Variants in NPIPB4 observed in about 807,000 individuals in gnomAD.
NPIPB4 encodes the protein nuclear pore complex-interacting protein family member B4.
For synonymous variants in NPIPB4, 31 were observed against 194.1 expected (o/e 0.16, Z 6.99); for missense variants, 105 against 513.7 (o/e 0.20, Z 7.69).
chr16:21,837,317 G>C lies in NPIPB4; in HGVS notation c.1070C>G (p.Ser357Ter), dbSNP rs771226748. The C allele has an allele frequency of 7.6e-7, 1 of 1,312,198 alleles. No homozygotes were observed. Among genetic ancestry groups the C allele is most frequent in the Non-Finnish European group, 9.6e-7 (1 of 1,041,688 alleles). The allele number at this position is 1,312,198 out of a possible 1,614,324, so 81.3% of individuals were successfully genotyped here. The change falls in exon 8 of 8, where the codon TCA (serine) becomes TGA (stop). Residue 357 changes from serine (S) to a stop codon, truncating the protein, a stop_gained. Coordinates refer to ENST00000682606, the MANE Select transcript of NPIPB4 (RefSeq NM_001384980.1). LOFTEE classifies it low-confidence loss of function (END_TRUNC). ...LTPLPPSALP[S>*]APPSADDNLK... ...ATTATCATCCGCTGAGGGTGGAGCT[G>C]AGGGTAGAGCTGAGGGTGGAAGGGG...
In NPIPB4 at chr16:21,842,008, C is replaced by T. The variant is rs1313772528; in HGVS notation, c.545+1378G>A. On this transcript the variant is annotated intron_variant, in intron 5 of 7. Coordinates refer to ENST00000682606, the MANE Select transcript of NPIPB4 (RefSeq NM_001384980.1). ...TTTGTAGGGACTGAGCCTGCACCGA[C>T]GACTTCAATTGCAGCTTGTATGGAG... Among the ~76,000 whole-genome samples the T allele has an allele frequency of 5.3e-5, 8 of 151,720 alleles. No individual in the cohort carries two copies. The East Asian group carries it at 7.8e-4, about 15-fold the overall frequency.
At chr16:21,850,202 G>A (rs1460817802) in intron 2 of NPIPB4, among the ~76,000 whole-genome samples, 7 of 140,368 alleles carry the variant, frequency 5.0e-5, no homozygotes, top group African/African-American at 1.8e-4. Context: ...CAGAGGTTGC[G>A]GTGAGCTGAT....
chr16:21,850,595 C>T (rs1902433740), intron 2 of NPIPB4, among the ~76,000 whole-genome samples: 1 of 140,182 alleles, frequency 7.1e-6, no homozygotes. Context: ...TTGCTTGAAC[C>T]CCAGAAGCGG....
chr16:21,840,563 C>T (rs1901680315), intron 5 of NPIPB4, among the ~76,000 whole-genome samples: 1 of 149,648 alleles, frequency 6.7e-6, no homozygotes, highest in African/African-American at 2.4e-5. Flanking sequence ...CCAACTGATT[C>T]TCACAACCGA....
At chr16:21,850,321 T>G (rs1465848790) in intron 2 of NPIPB4, among the ~76,000 whole-genome samples, 4 of 146,944 alleles carry the variant, frequency 2.7e-5, no homozygotes, top group African/African-American at 9.9e-5. Context: ...TTTATGCTGG[T>G]GTATGTACTT....
Position 21,843,542 on chromosome 16 carries a change from G to T in NPIPB4, c.389C>A (p.Ser130Tyr), listed in dbSNP as rs764069552. ...GACAATTTTATTTCCTCGAAAGGAA[G>T]AAACTCTTTTCTTTGTGTGCATACA... is the stretch of plus-strand genomic sequence containing the variant. ...SICMHTKKRVSSFRGNKIVLK... is the reference protein window; with the variant it reads ...SICMHTKKRVYSFRGNKIVLK... Residue 130 changes from serine to tyrosine, a missense_variant, in exon 5 of 8, where the codon TCT (serine) becomes TAT (tyrosine). By Grantham distance (144) the Ser-to-Tyr change is moderately radical (BLOSUM62 -2). Transcript: ENST00000682606. The T allele has an allele frequency of 1.9e-6, 3 of 1,595,016 alleles. No homozygotes were observed. In the East Asian group the frequency reaches 6.7e-5, roughly 36 times the overall value.
intron 2 of NPIPB4, among the ~76,000 whole-genome samples, chr16:21,850,582 C>A (rs1156610730): frequency 7.5e-6 from 1 of 134,140 alleles, no homozygotes; most frequent in African/African-American, 2.9e-5. Context: ...TGAGGCAGGA[C>A]AATTGCTTGA....
chr16:21,840,325 C>T (rs1778830504), intron 5 of NPIPB4, among the ~76,000 whole-genome samples: 1 of 56,330 alleles, frequency 1.8e-5, no homozygotes, highest in African/African-American at 5.7e-5. Flanking sequence ...TCTGAACTCA[C>T]TTGTAGGTGT....
Position 21,850,282 on chromosome 16 carries a change from AAAT to A in NPIPB4, c.121-2744_121-2742del, listed in dbSNP as rs934084131. Among the ~76,000 whole-genome samples, 30 of 148,700 alleles carry A rather than the reference AAAT, an allele frequency of 2.0e-4. 1 individual carries two copies. Among genetic ancestry groups the A allele is most frequent in the Non-Finnish European group, 3.4e-4 (23 of 66,674 alleles). On this transcript the variant is annotated intron_variant, in intron 2 of 7. Transcript: ENST00000682606. ...CTCAAAATAAATAAATAAATAAATA[AAAT>A]AATGTAGATCTTGAAAGGGGGTTGG...
chr16:21,850,665 C>G, intron 2 of NPIPB4, among the ~76,000 whole-genome samples: 1 of 11,834 alleles, frequency 8.5e-5, no homozygotes, highest in Non-Finnish European at 1.4e-4. Flanking sequence ...GAGTGAGACT[C>G]TGTCTAAAAA....
At chr16:21,850,119 G>C (rs1363952858) in intron 2 of NPIPB4, among the ~76,000 whole-genome samples, 1 of 114,814 alleles carries the variant, frequency 8.7e-6, no homozygotes, top group African/African-American at 3.1e-5. Flanking sequence ...AAATTAGCTG[G>C]GAGTGGTGCC....
At chr16:21,849,544 A>AAGATTGTTGAT (rs1325728234) in intron 2 of NPIPB4, among the ~76,000 whole-genome samples, 1 of 61,082 alleles carries the variant, frequency 1.6e-5, no homozygotes, top group East Asian at 4.3e-4. Context: ...GGATTTCTCT[A>AAGATTGTTGAT]AGATTGTTGA....
intron 5 of NPIPB4, among the ~76,000 whole-genome samples, chr16:21,842,170 CA>C (rs1901859369): frequency 8.3e-6 from 1 of 120,134 alleles, no homozygotes; most frequent in South Asian, 3.4e-4. Flanking sequence ...CATATGGCAG[CA>C]AAATACAATG....
chr16:21,849,402 GCA>G (rs1902295655), intron 2 of NPIPB4, among the ~76,000 whole-genome samples: 2 of 98,452 alleles, frequency 2.0e-5, no homozygotes, highest in African/African-American at 7.8e-5. Context: ...AGCCGAGATC[GCA>G]CCACTGCACT....
intron 5 of NPIPB4, among the ~76,000 whole-genome samples, chr16:21,840,593 C>T (rs1901683382): frequency 6.9e-6 from 1 of 145,456 alleles, no homozygotes; most frequent in African/African-American, 2.5e-5. Context: ...TGACACCTCC[C>T]ATTGAGGGAC....
Position 21,837,566 on chromosome 16 carries a change from A to T in NPIPB4, c.821T>A (p.Leu274His). The change falls in exon 8 of 8, where the codon CTT (leucine) becomes CAT (histidine). Residue 274 changes from leucine to histidine, a missense_variant. Physicochemically the swap from Leu to His is moderately conservative, Grantham distance 99. Coordinates refer to ENST00000682606, the MANE Select transcript of NPIPB4 (RefSeq NM_001384980.1). ...GAGATTATCATCCGCTGAGGGTGGAAGGGGAGTGAGCAGACACTCGGGAGG... is the reference window on the plus strand; with the variant it reads ...GAGATTATCATCCGCTGAGGGTGGATGGGGAGTGAGCAGACACTCGGGAGG... ...KTPPECLLTP[L>H]PPSADDNLKT... The T allele has an allele frequency of 1.3e-6, 1 of 799,956 alleles. No individual in the cohort carries two copies. Among genetic ancestry groups the T allele is most frequent in the Non-Finnish European group, 1.8e-6 (1 of 567,744 alleles). The allele number at this position is 799,956 out of a possible 1,614,324, so 49.6% of individuals were successfully genotyped here. A position where few individuals can be genotyped will look rare whatever the true frequency, so the allele number is the denominator to read the frequency against.
chr16:21,850,348 T>A (rs1370790150), intron 2 of NPIPB4, among the ~76,000 whole-genome samples: 2 of 149,378 alleles, frequency 1.3e-5, no homozygotes, highest in African/African-American at 4.9e-5. Context: ...GTTAGTAAAC[T>A]TACACTTAAG....
chr16:21,842,145 C>CA (rs1454917777), intron 5 of NPIPB4, among the ~76,000 whole-genome samples: 7 of 137,170 alleles, frequency 5.1e-5, no homozygotes, highest in South Asian at 2.5e-4. Flanking sequence ...TCACATTTAA[C>CA]AAAAAAAGAT....
At chr16:21,849,104 AT>A (rs1902267620) in intron 2 of NPIPB4, among the ~76,000 whole-genome samples, 1 of 45,808 alleles carries the variant, frequency 2.2e-5, no homozygotes, top group Non-Finnish European at 4.2e-5. Context: ...AAAAAATACA[AT>A]GAAGAGATTA....
Sources: allele counts gnomAD v4.1 joint callset (sites outside exome capture counted in the v4.1 genomes callset), GRCh38; gene constraint gnomAD v4.1.1; transcripts MANE v1.5; gene names NCBI Gene and HGNC (gene_info 2026-07-23, HGNC 2026-07-21).